Variants in DST observed in about 807,000 individuals in gnomAD.
The protein encoded by DST is bullous pemphigoid antigen.
In DST, 253 loss-of-function variants were observed where a neutral mutation model predicts 875.2. That is an observed-to-expected ratio of 0.29 (90% CI 0.26 to 0.32). The LOEUF (loss-of-function observed/expected upper bound fraction) is 0.32. Ranked by LOEUF, DST falls within the 10% of genes least tolerant of loss-of-function variation. DST has a pLI of 1.00. For synonymous variants in DST, 3,124 were observed against 3,197.1 expected, an observed-to-expected ratio of 0.98 and a Z score of 0.77; for missense variants, 8,287 against 9,111.6, an observed-to-expected ratio of 0.91 and a Z score of 3.68.
At chr6:56,735,320 G>T (rs1388584306) in intron 4 of DST, 31 bp from the exon 5 acceptor site, 7 of 1,337,712 alleles carry the variant, frequency 5.2e-6, no homozygotes, top group South Asian at 1.3e-5. Context: ...TAAAGATAAG[G>T]TTGGTAAAAT....
intron 2 of DST, among the ~76,000 whole-genome samples, chr6:56,952,372 T>C (rs1822797185): frequency 6.6e-6 from 1 of 152,222 alleles, no homozygotes; most frequent in Non-Finnish European, 1.5e-5. Context: ...GTATCTCTTT[T>C]TAAAATCAAA....
chr6:56,929,115 T>C (rs1197322017), intron 2 of DST, among the ~76,000 whole-genome samples: 3 of 152,088 alleles, frequency 2.0e-5, no homozygotes, highest in Non-Finnish European at 4.4e-5. Context: ...CTAGAACATA[T>C]TATGAAGCTT....
chr6:56,813,400 A>G (rs1258260723), intron 4 of DST, among the ~76,000 whole-genome samples: 1 of 151,948 alleles, frequency 6.6e-6, no homozygotes, highest in Non-Finnish European at 1.5e-5. Context: ...TAAAAAAAAA[A>G]ATAAAATAAA....
intron 24 of DST, 75 bp from the exon 25 acceptor site, chr6:56,635,028 T>A: frequency 7.9e-7 from 1 of 1,258,564 alleles, no homozygotes; most frequent in South Asian, 1.3e-5. Context: ...TTACACAAAT[T>A]AAACTTCATC....
At chr6:56,849,019 A>G (rs2127572595) in intron 4 of DST, among the ~76,000 whole-genome samples, 1 of 152,126 alleles carries the variant, frequency 6.6e-6, no homozygotes, top group South Asian at 2.1e-4. Flanking sequence ...AGTCTGGGTG[A>G]CAGAGAGAGA....
At chr6:56,822,282 G>C (rs2099773921) in intron 4 of DST, among the ~76,000 whole-genome samples, 1 of 152,138 alleles carries the variant, frequency 6.6e-6, no homozygotes, top group Admixed American at 6.5e-5. Flanking sequence ...TAGACAAGGT[G>C]AGTCCTACTA....
intron 4 of DST, among the ~76,000 whole-genome samples, chr6:56,782,702 G>GT (rs1217035646): frequency 2.6e-5 from 4 of 151,942 alleles, no homozygotes; most frequent in African/African-American, 9.7e-5. Flanking sequence ...TTTTTGAAGG[G>GT]TTTTTTGTGT....
Position 56,476,206 on chromosome 6 carries a change from A to C in DST, c.21807T>G (p.Asp7269Glu). The change falls in exon 92 of 104, where the codon GAT becomes GAG. Residue 7269 changes from aspartate to glutamate, a missense_variant. Physicochemically the swap from Asp to Glu is conservative, Grantham distance 45 (BLOSUM62 2). This residue lies in a region of DST where 1,292 missense variants were observed against 1,552.7 expected (regional missense o/e 0.83). Coordinates refer to ENST00000680361, the MANE Select transcript of DST (RefSeq NM_001374736.1). ...CGATCTCCTGGGGGATGACTTCTTT[A>C]TCCTTATCAGTAAGTGTAGTTTCAG... is the stretch of plus-strand genomic sequence containing the variant. ...QWAETTLTDKDKEVIPQEIEE... is the reference protein window; with the variant it reads ...QWAETTLTDKEKEVIPQEIEE... 1 of 1,613,130 alleles carries C rather than the reference A, an allele frequency of 6.2e-7. No homozygotes were observed.
intron 2 of DST, among the ~76,000 whole-genome samples, chr6:56,904,026 G>T (rs995763301): frequency 1.3e-5 from 2 of 152,118 alleles, no homozygotes; most frequent in Admixed American, 1.3e-4. Flanking sequence ...ATAAAATAAG[G>T]ATTAAAATAG....
intron 4 of DST, among the ~76,000 whole-genome samples, chr6:56,850,150 C>G (rs770553962): frequency 6.6e-6 from 1 of 152,186 alleles, no homozygotes; most frequent in South Asian, 2.1e-4. Context: ...TCTCACTCCA[C>G]CCCTTGCTCT....
chr6:56,875,249 G>C (rs1464041483), intron 3 of DST, among the ~76,000 whole-genome samples: 2 of 152,182 alleles, frequency 1.3e-5, no homozygotes, highest in Non-Finnish European at 2.9e-5. Flanking sequence ...CTCCCAAAGT[G>C]CTGGGATTAC....
At position 56,608,233 on chromosome 6, in the gene DST, T is replaced by C. The variant is rs1422667931; in HGVS notation, c.6395A>G (p.Asn2132Ser). The change falls in exon 40 of 104, where the codon AAC becomes AGC. Residue 2132 changes from asparagine to serine, a missense_variant. Physicochemically the swap from Asn to Ser is conservative, Grantham distance 46. Around this residue, in one of 10 missense-constraint regions of DST, gnomAD observed 3,138 missense variants for 3,116.6 expected, o/e 1.01. Coordinates refer to ENST00000680361, the MANE Select transcript of DST (RefSeq NM_001374736.1). ...DAAKQLGIID[N>S]NTASILKNIT... is the part of the protein sequence containing the mutation. ...ATTTTTTAAAATTGATGCTGTGTTG[T>C]TGTCTATAATTCCTAGCTGTTTAGC... 1 of 1,613,718 alleles carries C rather than the reference T, an allele frequency of 6.2e-7. No individual in the cohort carries two copies. Among genetic ancestry groups the C allele is most frequent in the Non-Finnish European group, 8.5e-7 (1 of 1,179,756 alleles).
At chr6:56,744,097 C>A (rs867680684) in intron 4 of DST, among the ~76,000 whole-genome samples, 2 of 149,628 alleles carry the variant, frequency 1.3e-5, no homozygotes, top group Non-Finnish European at 3.0e-5. Context: ...TGCAGCGAGC[C>A]GAGATCACAG....
At chr6:56,863,874 AT>A (rs1339452825) in intron 3 of DST, 1 of 152,180 alleles carries the variant, frequency 6.6e-6, no homozygotes, top group Non-Finnish European at 1.5e-5. Flanking sequence ...CAGCTACAGA[AT>A]TTGCAAGTGG....
chr6:56,744,069 A>T (rs1351238194), intron 4 of DST, among the ~76,000 whole-genome samples: 1 of 151,552 alleles, frequency 6.6e-6, no homozygotes, highest in African/African-American at 2.4e-5. Flanking sequence ...GAATTGCTTG[A>T]GCCCAGAAGG....
At chr6:56,937,813 T>G (rs1429531445) in intron 2 of DST, among the ~76,000 whole-genome samples, 1 of 152,188 alleles carries the variant, frequency 6.6e-6, no homozygotes, top group Non-Finnish European at 1.5e-5. Flanking sequence ...GAAATACTAT[T>G]CAGCAATAAA....
chr6:56,540,156 C>T (rs2097100992), intron 61 of DST: 1 of 152,438 alleles, frequency 6.6e-6, no homozygotes, highest in Non-Finnish European at 1.5e-5. Flanking sequence ...GTCAAACCTC[C>T]AAAACAAAAG....
chr6:56,506,696 T>TA lies in DST; in HGVS notation c.19332dup (p.Lys6445Ter). 6.2e-7 allele frequency: 1 copy of TA among 1,613,674 alleles called. No individual in the cohort carries two copies. The highest frequency in any genetic ancestry group is 8.5e-7 in the Non-Finnish European group (1 of 1,179,704). ...TCTATACTCTTCTTGACAATGGGTT[T>TA]ATCAGGCTCCCCACATGCCGCAATG... On this transcript the variant is annotated frameshift_variant, in exon 76 of 104. Transcript: ENST00000680361. LOFTEE classifies it high-confidence loss of function.
Position 56,633,082 on chromosome 6 carries a change from G to C in DST, c.3622-45C>G, listed in dbSNP as rs1014473327. 2.0e-6 allele frequency: 3 copies of C among 1,530,454 alleles called. No individual in the cohort carries two copies. The South Asian group carries it at 3.4e-5, about 17-fold the overall frequency. The allele number at this position is 1,530,454 out of a possible 1,614,324, so 94.8% of individuals were successfully genotyped here. ...CATGTAATTCATTCTATTACTCATA[G>C]ATTTGAATGGGAGACACTTCAAACT... On this transcript the variant is annotated intron_variant, in intron 27 of 103. Coordinates refer to ENST00000680361, the MANE Select transcript of DST (RefSeq NM_001374736.1).
Sources: allele counts gnomAD v4.1 joint callset (sites outside exome capture counted in the v4.1 genomes callset), GRCh38; gene constraint gnomAD v4.1.1; regional missense constraint gnomAD v4.1.1; transcripts MANE v1.5; gene names NCBI Gene and HGNC (gene_info 2026-07-23, HGNC 2026-07-21).